LPL: variants seen among roughly 807,000 people sequenced by gnomAD.
LPL encodes the protein phospholipase A1.
Under a neutral mutation model 52.2 loss-of-function variants are expected in LPL, and 43 were observed. The observed-to-expected ratio is 0.82, with a 90% CI of 0.64 to 1.06. The LOEUF is 1.06. Ranked by LOEUF, LPL falls within the 50% of genes least tolerant of loss-of-function variation. LPL has a pLI of 0.00. For missense variants in LPL, 639 were observed against 585.3 expected, an observed-to-expected ratio of 1.09 and a Z score of -0.95; for synonymous variants, 244 against 215.6, an observed-to-expected ratio of 1.13 and a Z score of -1.15.
Position 19,954,163 on chromosome 8 carries a change from G to A in LPL, c.585G>A (p.Pro195=), listed in dbSNP as rs563135472. 68 of 1,614,122 alleles carry A rather than the reference G, an allele frequency of 4.2e-5. No homozygotes were observed. The highest frequency in any genetic ancestry group is 8.8e-5 in the South Asian group (8 of 91,080). ...CTAACTTTGAGTATGCAGAAGCCCCGAGTCGTCTTTCTCCTGATGATGCAG... is the reference window on the plus strand; with the variant it reads ...CTAACTTTGAGTATGCAGAAGCCCCAAGTCGTCTTTCTCCTGATGATGCAG... ...AGPNFEYAEA[P]SRLSPDDADF... Residue 195 remains proline (P), a synonymous_variant, in exon 5 of 10, where the codon CCG becomes CCA. Coordinates refer to ENST00000650287, the MANE Select transcript of LPL (RefSeq NM_000237.3).
rs752606681 is a variant in LPL, at chr8:19,959,342, T to C, written c.1101T>C (p.Tyr367=). The C allele has an allele frequency of 1.2e-6, 2 of 1,614,166 alleles. No individual in the cohort carries two copies. The highest frequency in any genetic ancestry group is 1.1e-5 in the South Asian group (1 of 91,084). The change falls in exon 7 of 10, where the codon TAT becomes TAC. Residue 367 remains tyrosine (Y), a synonymous_variant. Transcript: ENST00000650287. The stretch of plus-strand genomic sequence containing the variant: ...ATCAGGCCTTTGAGATTTCTCTGTA[T>C]GGCACCGTGGCCGAGAGTGAGAACA... ...HTNQAFEISL[Y]GTVAESENIP... is the part of the protein sequence containing the mutation.
chr8:19,962,324 T>TCATGTCAGGG, intron 9 of LPL, 105 bp downstream of exon 9: 1 of 822,954 alleles, frequency 1.2e-6, no homozygotes, highest in East Asian at 2.5e-5. Flanking sequence ...TTGCCCTGAC[T>TCATGTCAGGG]CATGTGATCA....
chr8:19,961,142 G>A, intron 8 of LPL, 59 bp downstream of exon 8: 2 of 1,514,886 alleles, frequency 1.3e-6, no homozygotes, highest in Non-Finnish European at 1.8e-6. Flanking sequence ...CAGGACCTAG[G>A]GGCTGTATTT....
In LPL at chr8:19,960,943, C is replaced by T. The variant is rs1330906485; in HGVS notation, c.1182C>T (p.Tyr394=). The change falls in exon 8 of 10, where the codon TAC becomes TAT. Residue 394 remains tyrosine, a synonymous_variant. Coordinates refer to ENST00000650287, the MANE Select transcript of LPL (RefSeq NM_000237.3). ...ATAAGACCTACTCCTTCCTAATTTA[C>T]ACAGAGGTAGATATTGGAGAACTAC... ...STNKTYSFLI[Y]TEVDIGELLM... 1.9e-6 allele frequency: 3 copies of T among 1,613,958 alleles called. No individual in the cohort carries two copies. Among genetic ancestry groups the T allele is most frequent in the Middle Eastern group, 1.7e-4 (1 of 6,060 alleles).
intron 1 of LPL, among the ~76,000 whole-genome samples, chr8:19,946,198 C>A (rs1227674169): frequency 2.6e-5 from 4 of 151,960 alleles, no homozygotes; most frequent in Non-Finnish European, 4.4e-5. Flanking sequence ...ATGAAAAGAG[C>A]TTTAAAGATC....
At position 19,959,777 on chromosome 8, in the gene LPL, C is replaced by CTTT. The variant is rs71205952; in HGVS notation, c.1139+424_1139+426dup. On this transcript the variant is annotated intron_variant, in intron 7 of 9. Transcript: ENST00000650287. The stretch of plus-strand genomic sequence containing the variant: ...AGAAGTCCATGACAAAGTGTTAGCT[C>CTTT]TTTTTTTTTTTTTTTTTTTTTTTTT... 2.9e-3 allele frequency among the ~76,000 whole-genome samples: 192 copies of CTTT among 65,128 alleles called. 28 individuals are homozygous for CTTT. Among genetic ancestry groups the CTTT allele is most frequent in the African/African-American group, 6.7e-3 (101 of 15,148 alleles). The allele number at this position is 65,128 out of a possible 152,430, so 42.7% of individuals were successfully genotyped here.
At chr8:19,964,006 G>T (rs1176304040) in intron 9 of LPL, among the ~76,000 whole-genome samples, 1 of 151,862 alleles carries the variant, frequency 6.6e-6, no homozygotes, top group Non-Finnish European at 1.5e-5. Context: ...AGGCTGGAGT[G>T]TAGTGGCTCG....
At chr8:19,957,559 A>G (rs547434548) in intron 6 of LPL, among the ~76,000 whole-genome samples, 3 of 152,272 alleles carry the variant, frequency 2.0e-5, no homozygotes, top group African/African-American at 7.2e-5. Flanking sequence ...AGTGGGTTCA[A>G]GGCTCTGTCA....
intron 1 of LPL, among the ~76,000 whole-genome samples, chr8:19,946,078 T>G (rs1283115993): frequency 6.6e-6 from 1 of 152,016 alleles, no homozygotes; most frequent in East Asian, 1.9e-4. Flanking sequence ...GCTACTAGAG[T>G]GCTTTCTGGT....
rs896562309 is a variant in LPL, at chr8:19,950,124, T to C, written c.250-1645T>C. On this transcript the variant is annotated intron_variant, in intron 2 of 9. Coordinates refer to ENST00000650287, the MANE Select transcript of LPL (RefSeq NM_000237.3). The surrounding 1 kb of genome is among the most constrained non-coding windows in gnomAD (Gnocchi z 4.2). The stretch of plus-strand genomic sequence containing the variant: ...AGAGACTGCTGTCTGGCTGTGGGAC[T>C]GAGTTGGGTCTGTGCAAGAACTAAG... Among the ~76,000 whole-genome samples, 1 of 152,212 alleles carries C rather than the reference T, an allele frequency of 6.6e-6. No individual in the cohort carries two copies. Among genetic ancestry groups the C allele is most frequent in the African/African-American group, 2.4e-5 (1 of 41,460 alleles).
chr8:19,961,367 GCTT>G (rs2070037830), intron 8 of LPL, among the ~76,000 whole-genome samples: 1 of 151,960 alleles, frequency 6.6e-6, no homozygotes, highest in Admixed American at 6.6e-5. Context: ...AGGAATCTCA[GCTT>G]CTCATTTGGC....
intron 1 of LPL, among the ~76,000 whole-genome samples, chr8:19,942,838 T>A (rs2069852088): frequency 6.6e-6 from 1 of 152,216 alleles, no homozygotes; most frequent in Non-Finnish European, 1.5e-5. Flanking sequence ...AGGTATCTAC[T>A]AGGAAGGAAG....
chr8:19,962,716 C>T (rs1359591455), intron 9 of LPL, among the ~76,000 whole-genome samples: 1 of 152,226 alleles, frequency 6.6e-6, no homozygotes, highest in East Asian at 1.9e-4. Context: ...ACACAGCCAA[C>T]AGGGCTGCCC....
rs955330404 is a variant in LPL, at chr8:19,950,013, C to G, written c.249+1673C>G. 6.6e-6 allele frequency among the ~76,000 whole-genome samples: 1 copy of G among 152,152 alleles called. No individual in the cohort carries two copies. The highest frequency in any genetic ancestry group is 1.5e-5 in the Non-Finnish European group (1 of 68,032). On this transcript the variant is annotated intron_variant, in intron 2 of 9. Transcript: ENST00000650287. This position sits in a 1 kb window ranked among gnomAD's most constrained non-coding sequence, Gnocchi z 4.2. ...CCAACCCAATATCAACAGACGGTGC[C>G]ACTTCCTATCATTGGTCCTACTGCC...
rs2069814567 is a variant in LPL at position 19,939,764 on chromosome 8, G to A, written c.88+236G>A. On this transcript the variant is annotated intron_variant, in intron 1 of 9. Transcript: ENST00000650287. This position sits in a 1 kb window ranked among gnomAD's most constrained non-coding sequence, Gnocchi z 4.0. Reference sequence around the variant, plus strand: ...CAGTTCCCGCTTTTTCTCTCTGCCGGGTTCCCGCGCTATCCCTTCCACTCT... The same window carrying A: ...CAGTTCCCGCTTTTTCTCTCTGCCGAGTTCCCGCGCTATCCCTTCCACTCT... Among the ~76,000 whole-genome samples the A allele has an allele frequency of 6.6e-6, 1 of 152,188 alleles. No homozygotes were observed. The highest frequency in any genetic ancestry group is 2.4e-5 in the African/African-American group (1 of 41,460).
intron 2 of LPL, among the ~76,000 whole-genome samples, chr8:19,951,051 CT>C (rs1407734113): frequency 6.6e-6 from 1 of 152,104 alleles, no homozygotes. Context: ...AATAAGCTGC[CT>C]GGGGACTCAC....
intron 3 of LPL, 26 bp downstream of exon 3, chr8:19,951,974 G>A: frequency 6.2e-7 from 1 of 1,613,824 alleles, no homozygotes; most frequent in South Asian, 1.1e-5. Flanking sequence ...GGAGACTTAT[G>A]TGTCCAAAAC....
chr8:19,939,914 A>C lies in LPL; in HGVS notation c.88+386A>C, dbSNP rs2069816182. On this transcript the variant is annotated intron_variant, in intron 1 of 9. Coordinates refer to ENST00000650287, the MANE Select transcript of LPL (RefSeq NM_000237.3). This position sits in a 1 kb window ranked among gnomAD's most constrained non-coding sequence, Gnocchi z 4.0. ...TGACCTGCAGTCACCTCTCTGCCGG[A>C]GGGGCCCTGGAATGAAAGGCGCGCG... Among the ~76,000 whole-genome samples, 5 of 152,164 alleles carry C rather than the reference A, an allele frequency of 3.3e-5. No individual in the cohort carries two copies. The South Asian group carries it at 1.0e-3, about 32-fold the overall frequency.
At chr8:19,947,430 A>T (rs549265633) in intron 1 of LPL, among the ~76,000 whole-genome samples, 1 of 152,226 alleles carries the variant, frequency 6.6e-6, no homozygotes, top group African/African-American at 2.4e-5. Context: ...ACTTGAGCCC[A>T]GGAGATAGCG....
Sources: allele counts gnomAD v4.1 joint callset (sites outside exome capture counted in the v4.1 genomes callset), GRCh38; gene constraint gnomAD v4.1.1; non-coding constraint Gnocchi (gnomAD v3.1); transcripts MANE v1.5; gene names NCBI Gene and HGNC (gene_info 2026-07-23, HGNC 2026-07-21).